Variants in NAA11 observed in about 807,000 individuals in gnomAD.
NAA11 encodes the protein N-alpha-acetyltransferase 11.
Under a neutral mutation model 16.1 loss-of-function variants are expected in NAA11, and 15 were observed. The ratio of observed to expected loss-of-function variants is 0.93; its 90% CI spans 0.62 to 1.44. The LOEUF (loss-of-function observed/expected upper bound fraction) is 1.44, where lower values mean the gene tolerates loss of function less well. NAA11 is among the 40% of genes most tolerant of loss of function. The pLI is 0.00. For missense variants in NAA11, 298 were observed against 291.3 expected, an observed-to-expected ratio of 1.02 and a Z score of -0.17; for synonymous variants, 122 against 112.4, an observed-to-expected ratio of 1.09 and a Z score of -0.54.
At chr4:79,324,183 C>G (rs1305005496) in intron 1 of NAA11, among the ~76,000 whole-genome samples, 1 of 151,934 alleles carries the variant, frequency 6.6e-6, no homozygotes, top group Non-Finnish European at 1.5e-5. Context: ...TCTTTTTTTG[C>G]TGGATTATTT....
At chr4:79,289,437 G>A (rs552728405) in intron 2 of NAA11, among the ~76,000 whole-genome samples, 10 of 152,284 alleles carry the variant, frequency 6.6e-5, no homozygotes, top group East Asian at 1.9e-4. Flanking sequence ...TGAAAACTAC[G>A]AATAGCCATT....
intron 1 of NAA11, 66 bp downstream of exon 1, chr4:79,325,110 G>C: frequency 7.3e-7 from 1 of 1,368,542 alleles, no homozygotes; most frequent in Non-Finnish European, 9.9e-7. Flanking sequence ...GGATGGAATT[G>C]GGCAGGCCAA....
intron 2 of NAA11, among the ~76,000 whole-genome samples, chr4:79,256,504 A>G (rs898390748): frequency 2.0e-5 from 3 of 151,864 alleles, no homozygotes; most frequent in Non-Finnish European, 4.4e-5. Context: ...GGGTTCTTTC[A>G]TCAGAGACAA....
At chr4:79,203,782 TAGATGTG>T in the NAA11 span, among the ~76,000 whole-genome samples, 1 of 151,718 alleles carries the variant, frequency 6.6e-6, no homozygotes, top group African/African-American at 2.4e-5. Context: ...GTATTTGAAA[TAGATGTG>T]ACACTCAGAG....
intron 2 of NAA11, among the ~76,000 whole-genome samples, chr4:79,241,403 A>C (rs908879766): frequency 6.6e-5 from 10 of 152,218 alleles, no homozygotes; most frequent in Non-Finnish European, 2.9e-5. Flanking sequence ...GGGGAAGTTA[A>C]AGGTTAGAGT....
chr4:79,226,987 C>T (rs1398071757), intron 2 of NAA11, among the ~76,000 whole-genome samples: 8 of 152,048 alleles, frequency 5.3e-5, no homozygotes, highest in Admixed American at 4.6e-4. Context: ...AGTTCTAGAT[C>T]CCTGAGGAAT....
chr4:79,251,017 G>C (rs188494715), intron 2 of NAA11, among the ~76,000 whole-genome samples: 1 of 152,324 alleles, frequency 6.6e-6, no homozygotes, highest in African/African-American at 2.4e-5. Flanking sequence ...ATACACTGCT[G>C]GTGGAAACGT....
In NAA11 at chr4:79,325,668, G is replaced by A; in HGVS notation, c.210C>T (p.Gly70=). 8 of 1,614,106 alleles carry A rather than the reference G, an allele frequency of 5.0e-6. No homozygotes were observed. The highest frequency in any genetic ancestry group is 6.8e-6 in the Non-Finnish European group (8 of 1,179,970). ...GCTTCACGGCCAGTGAGGTGATATG[G>A]CCATGCGGGACATCATCTGGTTCCT... ...MEEEPDDVPH[G]HITSLAVKRS... The change falls in exon 1 of 2, where the codon GGC becomes GGT. Residue 70 remains glycine, a synonymous_variant. Transcript: ENST00000286794.
intron 2 of NAA11, among the ~76,000 whole-genome samples, chr4:79,290,740 T>C (rs979396248): frequency 2.6e-5 from 4 of 152,142 alleles, no homozygotes; most frequent in African/African-American, 9.7e-5. Context: ...AAGTTTTGTG[T>C]ATGATTGAGG....
At chr4:79,252,518 G>A (rs528741820) in intron 2 of NAA11, among the ~76,000 whole-genome samples, 2 of 152,084 alleles carry the variant, frequency 1.3e-5, no homozygotes, top group African/African-American at 4.8e-5. Flanking sequence ...AATATAAATG[G>A]CAGGTAAATG....
chr4:79,189,308 G>C, the NAA11 span, among the ~76,000 whole-genome samples: 1 of 152,052 alleles, frequency 6.6e-6, no homozygotes, highest in African/African-American at 2.4e-5. Context: ...GGGTCTAATG[G>C]ATTGCTTAGA....
chr4:79,225,805 A>G (rs897010502), exon 3 of NAA11: 15 of 152,042 alleles, frequency 9.9e-5, no homozygotes, highest in Admixed American at 3.3e-4. Context: ...GCTTCTAGTT[A>G]ATACAGATTA....
intron 2 of NAA11, among the ~76,000 whole-genome samples, chr4:79,228,462 A>G (rs1284172137): frequency 6.6e-6 from 1 of 152,016 alleles, no homozygotes; most frequent in African/African-American, 2.4e-5. Flanking sequence ...AACAGTTTTA[A>G]TAACAATTTC....
chr4:79,273,868 C>T (rs1297529646), intron 2 of NAA11, among the ~76,000 whole-genome samples: 1 of 152,078 alleles, frequency 6.6e-6, no homozygotes, highest in African/African-American at 2.4e-5. Flanking sequence ...TTCATGTCAG[C>T]TGCCCTTGGC....
the NAA11 span, among the ~76,000 whole-genome samples, chr4:79,168,496 A>G: frequency 6.6e-6 from 1 of 152,148 alleles, no homozygotes; most frequent in South Asian, 2.1e-4. Flanking sequence ...AACACTGTAA[A>G]AGTGTTCCTG....
At chr4:79,180,732 A>G in the NAA11 span, among the ~76,000 whole-genome samples, 1 of 139,640 alleles carries the variant, frequency 7.2e-6, no homozygotes. Context: ...ATTACTGGCT[A>G]TATACCCAAA....
intron 2 of NAA11, among the ~76,000 whole-genome samples, chr4:79,283,044 T>A (rs1722831714): frequency 1.3e-5 from 2 of 152,022 alleles, no homozygotes; most frequent in Admixed American, 1.3e-4. Context: ...TGCTGAGAAG[T>A]CTCTAAATAT....
the NAA11 span, among the ~76,000 whole-genome samples, chr4:79,174,970 T>C: frequency 1.1e-4 from 17 of 152,138 alleles, no homozygotes; most frequent in African/African-American, 4.1e-4. Flanking sequence ...AGGCTCTTCT[T>C]GAAAGAAGGG....
chr4:79,314,280 T>C (rs1247345760), downstream of NAA11, among the ~76,000 whole-genome samples: 2 of 152,222 alleles, frequency 1.3e-5, no homozygotes, highest in Non-Finnish European at 2.9e-5. Flanking sequence ...AATTTTGTTA[T>C]ATCTCCTCTG....
Sources: gnomAD v4.1 joint callset for allele counts (sites outside exome capture counted in the v4.1 genomes callset) on GRCh38, gnomAD v4.1.1 for gene constraint, MANE v1.5 for transcripts, NCBI Gene and HGNC (gene_info 2026-07-23, HGNC 2026-07-21) for gene names.